The following KLF11 variants were observed in gnomAD, a reference collection of about 807,000 sequenced individuals.
KLF11 encodes the protein Krueppel-like factor 11.
A neutral mutation model predicts 29.9 loss-of-function variants in KLF11; 26 were observed. That is an observed-to-expected ratio of 0.87 (90% CI 0.64 to 1.21). The LOEUF (loss-of-function observed/expected upper bound fraction) is 1.21. Ranked by LOEUF, KLF11 falls within the 50% of genes most tolerant of loss-of-function variation. The pLI is 0.00. For missense variants in KLF11, 778 were observed against 665.7 expected, an observed-to-expected ratio of 1.17 and a Z score of -1.86; for synonymous variants, 318 against 257.4, an observed-to-expected ratio of 1.24 and a Z score of -2.25.
chr2:10,051,412 G>A (rs1383471728), intron 3 of KLF11, among the ~76,000 whole-genome samples: 1 of 151,720 alleles, frequency 6.6e-6, no homozygotes, highest in African/African-American at 2.4e-5. Context: ...TCGCCATGTT[G>A]GTCAGGCTGG....
intron 1 of KLF11, among the ~76,000 whole-genome samples, chr2:10,045,852 ATTTT>A (rs1661180628): frequency 6.6e-6 from 1 of 152,232 alleles, no homozygotes. Flanking sequence ...TCAGGAGTTA[ATTTT>A]ATTAATCATT....
rs1661257774 is a variant in KLF11, at chr2:10,047,750, T to C, written c.413T>C (p.Val138Ala). Residue 138 changes from valine (V) to alanine (A), a missense_variant, in exon 3 of 4, where the codon GTT becomes GCT. Physicochemically the swap from Val to Ala is moderately conservative, Grantham distance 64 (BLOSUM62 0). Transcript: ENST00000305883. The part of the protein sequence containing the change: ...TDSKACTATD[V>A]LQSSAVVARA... ...TCCAAAGCATGTACAGCCACGGATG[T>C]TCTCCAGTCCTCTGCCGTAGTGGCC... The C allele has an allele frequency of 1.2e-6, 2 of 1,613,786 alleles. No individual in the cohort carries two copies. Among genetic ancestry groups the C allele is most frequent in the East Asian group, 4.5e-5 (2 of 44,886 alleles).
At chr2:10,043,853 G>T in intron 1 of KLF11, 95 bp downstream of exon 1, 1 of 1,241,286 alleles carries the variant, frequency 8.1e-7, no homozygotes, top group South Asian at 1.6e-5. Flanking sequence ...AAATGCGGGA[G>T]GTGGGGCGTG....
rs776529709 is a variant in KLF11, at chr2:10,047,902, A to G, written c.565A>G (p.Thr189Ala). The change falls in exon 3 of 4, where the codon ACC becomes GCC. Residue 189 changes from threonine to alanine, a missense_variant. Transcript: ENST00000305883. ...TGESPAACFP[T>A]IQTPDCRLSD... is the part of the protein sequence containing the mutation. ...GGAGAGCCCTGCTGCCTGCTTTCCCACCATCCAGACTCCAGATTGCCGGCT... is the reference window on the plus strand; with the variant it reads ...GGAGAGCCCTGCTGCCTGCTTTCCCGCCATCCAGACTCCAGATTGCCGGCT... 16 of 1,613,626 alleles carry G rather than the reference A, an allele frequency of 9.9e-6. No individual in the cohort carries two copies. Among genetic ancestry groups the G allele is most frequent in the Non-Finnish European group, 1.4e-5 (16 of 1,180,024 alleles).
chr2:10,050,994 C>A (rs184852347), intron 3 of KLF11, among the ~76,000 whole-genome samples: 2 of 144,722 alleles, frequency 1.4e-5, no homozygotes, highest in East Asian at 2.1e-4. Flanking sequence ...CTCTGCCTCC[C>A]GGGTTCACGC....
rs561831764 is a variant in KLF11 at position 10,044,267 on chromosome 2, G to A, written c.42+509G>A. The A allele has an allele frequency of 6.1e-6, 6 of 980,698 alleles. No individual in the cohort carries two copies. The East Asian group carries it at 5.7e-4, about 93-fold the overall frequency. The allele number at this position is 980,698 out of a possible 1,614,324, so 60.7% of individuals were successfully genotyped here. On this transcript the variant is annotated intron_variant, in intron 1 of 3. Transcript: ENST00000305883. The stretch of plus-strand genomic sequence containing the variant: ...CTAGGGGCCGGGGCAACGACGGGAG[G>A]CGGGAGCGCCGCACTGCCTTGGAGG...
intron 1 of KLF11, chr2:10,044,220 C>T (rs1253196345): frequency 3.6e-6 from 3 of 833,904 alleles, no homozygotes; most frequent in Admixed American, 1.8e-4. Flanking sequence ...TAGTGCCGCT[C>T]GGGCCTGGGG....
chr2:10,054,636 G>A lies in KLF11; in HGVS notation c.*2129G>A, dbSNP rs1661501485. 1 of 152,684 alleles carries A rather than the reference G, an allele frequency of 6.5e-6. No homozygotes were observed. The highest frequency in any genetic ancestry group is 2.1e-4 in the South Asian group (1 of 4,838). The allele number at this position is 152,684 out of a possible 1,614,324, so 9.5% of individuals were successfully genotyped here. A position where few individuals can be genotyped will look rare whatever the true frequency, so the allele number is the denominator to read the frequency against. On this transcript the variant is annotated 3_prime_UTR_variant, in exon 4 of 4. Transcript: ENST00000305883. ...GCTCTGGGTGCTGACGGCCGCTGGAGAGGTGGGCTCCCCTCGTGCACTTTA... is the reference window on the plus strand; with the variant it reads ...GCTCTGGGTGCTGACGGCCGCTGGAAAGGTGGGCTCCCCTCGTGCACTTTA...
intron 3 of KLF11, among the ~76,000 whole-genome samples, chr2:10,051,711 G>A (rs368700258): frequency 1.7e-4 from 25 of 149,112 alleles, no homozygotes; most frequent in African/African-American, 6.2e-4. Context: ...TAGAGATGGG[G>A]TTTCACCGTG....
intron 1 of KLF11, chr2:10,044,222 G>A (rs1030584290): frequency 1.2e-6 from 1 of 867,734 alleles, no homozygotes; most frequent in African/African-American, 4.0e-5. Flanking sequence ...GTGCCGCTCG[G>A]GCCTGGGGGC....
rs56101580 is a variant in KLF11, at chr2:10,046,142, G to A, written c.43-8G>A. ...CACTGAGAAGCCGTTGTGTTGTGTC[G>A]CCTTTAGGTTGACATCATGGACATA... On this transcript the variant is annotated splice_region_variant and splice_polypyrimidine_tract_variant and intron_variant, in intron 1 of 3. Transcript: ENST00000305883. 33 of 1,613,146 alleles carry A rather than the reference G, an allele frequency of 2.0e-5. No homozygotes were observed. In the Admixed American group the frequency reaches 3.0e-4, roughly 15 times the overall value.
chr2:10,044,029 C>G (rs1372659210), intron 1 of KLF11: 23 of 716,214 alleles, frequency 3.2e-5, no homozygotes, highest in Non-Finnish European at 3.8e-5. Context: ...GCTGGCCCCG[C>G]GGCTATTTCC....
chr2:10,049,628 G>GC (rs1452810795), intron 3 of KLF11, among the ~76,000 whole-genome samples: 1 of 152,146 alleles, frequency 6.6e-6, no homozygotes, highest in African/African-American at 2.4e-5. Flanking sequence ...TTGGCCCTCT[G>GC]CCCATCTCTA....
intron 3 of KLF11, among the ~76,000 whole-genome samples, chr2:10,051,324 T>G (rs1661397943): frequency 6.6e-6 from 1 of 152,148 alleles, no homozygotes; most frequent in South Asian, 2.1e-4. Context: ...TTGTCCTGCC[T>G]CAGTCTCCGG....
Position 10,047,697 on chromosome 2 carries a change from G to T in KLF11, c.360G>T (p.Arg120Ser). The part of the protein sequence containing the change: ...QSPDLVEPST[R>S]TPVSPQVTDS... ...CTGATCTCGTGGAGCCATCGACAAG[G>T]ACACCTGTTTCTCCCCAAGTAACAG... The change falls in exon 3 of 4, where the codon AGG becomes AGT. Residue 120 changes from arginine to serine, a missense_variant. Arg to Ser is a moderately radical substitution (Grantham distance 110). Coordinates refer to ENST00000305883, the MANE Select transcript of KLF11 (RefSeq NM_003597.5). 6.2e-7 allele frequency: 1 copy of T among 1,613,448 alleles called. No homozygotes were observed. The highest frequency in any genetic ancestry group is 8.5e-7 in the Non-Finnish European group (1 of 1,180,024).
intron 3 of KLF11, among the ~76,000 whole-genome samples, chr2:10,050,892 CTTTTTTTT>C (rs386389509): frequency 2.4e-4 from 13 of 54,826 alleles, no homozygotes; most frequent in South Asian, 8.4e-4. Context: ...TAGATGCTAC[CTTTTTTTT>C]TTTTTTTTTT....
chr2:10,043,772 C>T lies in KLF11; in HGVS notation c.42+14C>T. ...GACGCGCGCGCAGTGAGTGGTGGGGCTGCCGCGGCGGGACTACTCGTCTGA... is the reference window on the plus strand; with the variant it reads ...GACGCGCGCGCAGTGAGTGGTGGGGTTGCCGCGGCGGGACTACTCGTCTGA... On this transcript the variant is annotated intron_variant, in intron 1 of 3. Transcript: ENST00000305883. 3.6e-6 allele frequency: 5 copies of T among 1,372,130 alleles called. No individual in the cohort carries two copies. The highest frequency in any genetic ancestry group is 2.3e-5 in the Admixed American group (1 of 42,726). 85.0% of individuals were successfully genotyped at this position (1,372,130 alleles called of 1,614,324 possible).
At position 10,052,576 on chromosome 2, in the gene KLF11, C is replaced by T. The variant is rs1276660182; in HGVS notation, c.*69C>T. On this transcript the variant is annotated 3_prime_UTR_variant, in exon 4 of 4. Coordinates refer to ENST00000305883, the MANE Select transcript of KLF11 (RefSeq NM_003597.5). Reference sequence around the variant, plus strand: ...TTTCCAGGAATGGAACTGATGGATTCCTCTCCCACTGCCTCACCCAAAAAA... The same window carrying T: ...TTTCCAGGAATGGAACTGATGGATTTCTCTCCCACTGCCTCACCCAAAAAA... The T allele has an allele frequency of 6.5e-7, 1 of 1,530,978 alleles. No homozygotes were observed. Among genetic ancestry groups the T allele is most frequent in the Non-Finnish European group, 8.9e-7 (1 of 1,118,722 alleles). 94.8% of individuals were successfully genotyped at this position (1,530,978 alleles called of 1,614,324 possible).
intron 1 of KLF11, chr2:10,044,220 CG>C: frequency 1.2e-6 from 1 of 833,872 alleles, no homozygotes; most frequent in East Asian, 1.9e-4. Flanking sequence ...TAGTGCCGCT[CG>C]GGCCTGGGGG....
Sources: gnomAD v4.1 joint callset for allele counts (sites outside exome capture counted in the v4.1 genomes callset) on GRCh38, gnomAD v4.1.1 for gene constraint, MANE v1.5 for transcripts, NCBI Gene and HGNC (gene_info 2026-07-23, HGNC 2026-07-21) for gene names.